The following ERC1 variants were observed in gnomAD, a reference collection of about 807,000 sequenced individuals.
The protein encoded by ERC1 is RAB6 interacting protein 2.
ERC1 carries 56 observed loss-of-function variants against 132.0 expected under a neutral mutation model. The ratio of observed to expected loss-of-function variants is 0.42; its 90% confidence interval spans 0.34 to 0.53. The LOEUF is 0.53. ERC1 is among the 20% of genes least tolerant of loss of function. The pLI is 0.03. For missense variants in ERC1, 1,202 were observed against 1,349.9 expected (o/e 0.89, Z 1.72); for synonymous variants, 478 against 476.1 (o/e 1.00, Z -0.05).
chr12:1,401,295 A>G (rs1166051500), intron 16 of ERC1, among the ~76,000 whole-genome samples: 3 of 152,146 alleles, frequency 2.0e-5, no homozygotes, highest in Non-Finnish European at 4.4e-5. Flanking sequence ...TTGAAGAAGC[A>G]GTAATAGAAG....
At chr12:995,340 C>G (rs79506375) in intron 1 of ERC1, among the ~76,000 whole-genome samples, 1 of 152,082 alleles carries the variant, frequency 6.6e-6, no homozygotes, top group African/African-American at 2.4e-5. Flanking sequence ...TATCTCTGAC[C>G]AAGGTGAAAT....
intron 12 of ERC1, among the ~76,000 whole-genome samples, chr12:1,213,607 G>A (rs560400581): frequency 3.2e-4 from 49 of 151,882 alleles, no homozygotes; most frequent in African/African-American, 1.0e-3. Context: ...TGTGGTGGTG[G>A]GCACCTGTGG....
intron 18 of ERC1, among the ~76,000 whole-genome samples, chr12:1,466,290 A>C (rs1845657101): frequency 6.6e-6 from 1 of 151,996 alleles, no homozygotes; most frequent in Non-Finnish European, 1.5e-5. Flanking sequence ...TGTGCTCCCC[A>C]GTGTCTTTCT....
At chr12:1,059,685 C>T (rs570657990) in intron 2 of ERC1, among the ~76,000 whole-genome samples, 36 of 152,152 alleles carry the variant, frequency 2.4e-4, no homozygotes, top group African/African-American at 8.7e-4. Context: ...TGGGATAAAT[C>T]CCACTTTGTC....
At chr12:1,466,644 GT>G (rs746821397) in intron 18 of ERC1, among the ~76,000 whole-genome samples, 24 of 152,250 alleles carry the variant, frequency 1.6e-4, no homozygotes, top group Middle Eastern at 3.4e-3. Context: ...AAGGTAGGAG[GT>G]CCTGGCGAAT....
chr12:1,400,969 T>G (rs1264784320), intron 16 of ERC1, among the ~76,000 whole-genome samples: 1 of 129,818 alleles, frequency 7.7e-6, no homozygotes, highest in African/African-American at 2.9e-5. Flanking sequence ...GGAGTCTTGC[T>G]CTATCGCCCA....
At chr12:1,424,713 GAAAT>G (rs1026210926) in intron 17 of ERC1, among the ~76,000 whole-genome samples, 1 of 151,984 alleles carries the variant, frequency 6.6e-6, no homozygotes, top group African/African-American at 2.4e-5. Context: ...CTTTGAAAAA[GAAAT>G]AAACACTGAA....
Position 1,027,672 on chromosome 12 carries a change from G to C in ERC1, c.-156-76G>C, listed in dbSNP as rs1006203143. 4 of 525,612 alleles carry C rather than the reference G, an allele frequency of 7.6e-6. No individual in the cohort carries two copies. The East Asian group carries it at 1.2e-4, about 16-fold the overall frequency. 32.6% of individuals were successfully genotyped at this position (525,612 alleles called of 1,614,324 possible). A position where few individuals can be genotyped will look rare whatever the true frequency, so the allele number is the denominator to read the frequency against. On this transcript the variant is annotated intron_variant, in intron 1 of 18. Transcript: ENST00000360905. The stretch of plus-strand genomic sequence containing the variant: ...GGTAGAAGGGCTAGATCTTCTTTAA[G>C]TGGGGGTAATGGAAAGTCTCTGAGA...
At chr12:1,313,241 C>T (rs2081439038) in intron 15 of ERC1, among the ~76,000 whole-genome samples, 1 of 152,004 alleles carries the variant, frequency 6.6e-6, no homozygotes, top group Non-Finnish European at 1.5e-5. Context: ...ACTGGTTAAA[C>T]AACAATCACC....
chr12:1,309,164 C>T (rs1278478713), intron 15 of ERC1, among the ~76,000 whole-genome samples: 2 of 152,128 alleles, frequency 1.3e-5, no homozygotes, highest in African/African-American at 4.8e-5. Flanking sequence ...TTTGTTACAG[C>T]GGCTTGAATA....
chr12:1,292,509 C>T (rs73595963), intron 15 of ERC1, among the ~76,000 whole-genome samples: 7,373 of 152,212 alleles, frequency 0.048, 304 homozygotes, highest in African/African-American at 0.11. Context: ...GACTGGTCTT[C>T]TCTGGAAACA....
At chr12:1,060,416 A>G (rs1347163546) in intron 2 of ERC1, among the ~76,000 whole-genome samples, 2 of 151,724 alleles carry the variant, frequency 1.3e-5, no homozygotes, top group South Asian at 4.2e-4. Context: ...TATGAGTGAG[A>G]ACATGCGGTG....
At chr12:1,247,596 A>G (rs1391513542) in intron 13 of ERC1, among the ~76,000 whole-genome samples, 2 of 152,218 alleles carry the variant, frequency 1.3e-5, no homozygotes, top group African/African-American at 4.8e-5. Flanking sequence ...CTTACTACCA[A>G]AATTAACATA....
intron 18 of ERC1, among the ~76,000 whole-genome samples, chr12:1,470,988 A>T (rs376256847): frequency 3.0e-4 from 46 of 152,234 alleles, no homozygotes; most frequent in African/African-American, 1.1e-3. Context: ...GAGGCTCATC[A>T]GACCAATGTA....
intron 17 of ERC1, among the ~76,000 whole-genome samples, chr12:1,433,442 CAG>C (rs1234651750): frequency 1.3e-5 from 2 of 152,176 alleles, no homozygotes; most frequent in Non-Finnish European, 2.9e-5. Context: ...ATCATTGAGA[CAG>C]AATGCGCTAA....
chr12:1,003,859 A>G lies in ERC1; in HGVS notation c.-157+12537A>G, dbSNP rs538908348. On this transcript the variant is annotated intron_variant, in intron 1 of 18. Transcript: ENST00000360905. ...ACATACCAAAAAGGATAACACCACA[A>G]CAAAAGGGGCTGATGCCTGCAGTGT... Among the ~76,000 whole-genome samples the G allele has an allele frequency of 1.1e-3, 169 of 152,312 alleles. 1 individual carries two copies. The highest frequency in any genetic ancestry group is 1.4e-3 in the Non-Finnish European group (97 of 68,018).
chr12:1,399,505 A>G (rs1355314528), intron 16 of ERC1, among the ~76,000 whole-genome samples: 1 of 152,210 alleles, frequency 6.6e-6, no homozygotes, highest in South Asian at 2.1e-4. Flanking sequence ...TCACAAATTG[A>G]AAGCATTATT....
At chr12:1,058,962 C>T (rs1973523571) in intron 2 of ERC1, among the ~76,000 whole-genome samples, 1 of 151,906 alleles carries the variant, frequency 6.6e-6, no homozygotes, top group Admixed American at 6.6e-5. Context: ...TTCTTCCTAT[C>T]CATGAACATG....
chr12:1,335,407 A>G (rs2083227807), intron 15 of ERC1, among the ~76,000 whole-genome samples: 1 of 152,192 alleles, frequency 6.6e-6, no homozygotes, highest in Non-Finnish European at 1.5e-5. Context: ...TGTTCCTTCA[A>G]TACGTAGTTT....
Sources: gnomAD v4.1 joint callset for allele counts (sites outside exome capture counted in the v4.1 genomes callset) on GRCh38, gnomAD v4.1.1 for gene constraint, MANE v1.5 for transcripts, NCBI Gene and HGNC (gene_info 2026-07-23, HGNC 2026-07-21) for gene names.